The following LRRC4C variants were observed in gnomAD, a reference collection of about 807,000 sequenced individuals.
LRRC4C encodes the protein leucine-rich repeat-containing protein 4C.
A neutral mutation model predicts 33.6 loss-of-function variants in LRRC4C; 5 were observed. That is an observed-to-expected ratio of 0.15 (90% CI 0.08 to 0.31). The LOEUF is 0.31. LRRC4C is among the 10% of genes least tolerant of loss of function. LRRC4C has a pLI of 1.00. For missense variants in LRRC4C, 560 were observed against 796.7 expected (o/e 0.70, Z 3.58); for synonymous variants, 329 against 302.0 (o/e 1.09, Z -0.93).
chr11:40,819,468 C>T (rs1185041445), intron 2 of LRRC4C, among the ~76,000 whole-genome samples: 1 of 152,120 alleles, frequency 6.6e-6, no homozygotes, highest in East Asian at 1.9e-4. Flanking sequence ...GGACTGGCAC[C>T]TTTGTTGTAG....
chr11:41,243,306 G>A (rs116240397), intron 1 of LRRC4C, among the ~76,000 whole-genome samples: 2,896 of 152,180 alleles, frequency 0.019, 92 homozygotes, highest in African/African-American at 0.067. Context: ...CCATTATCTT[G>A]TTTAACTAAA....
At chr11:40,621,300 A>T (rs80042462) in intron 3 of LRRC4C, among the ~76,000 whole-genome samples, 1 of 151,372 alleles carries the variant, frequency 6.6e-6, no homozygotes, top group African/African-American at 2.4e-5. Flanking sequence ...CATAAAGTCT[A>T]CTTGTTTCTG....
intron 1 of LRRC4C, among the ~76,000 whole-genome samples, chr11:40,990,081 T>C (rs1853402117): frequency 3.3e-5 from 5 of 150,424 alleles, no homozygotes; most frequent in Admixed American, 3.3e-4. Context: ...GGTAAGAGGG[T>C]CTGGAACTAA....
At chr11:40,117,720 C>T (rs192632350) in intron 6 of LRRC4C, among the ~76,000 whole-genome samples, 12 of 151,716 alleles carry the variant, frequency 7.9e-5, no homozygotes, top group African/African-American at 2.9e-4. Context: ...GGAGGGGGGC[C>T]AGTGGGAGGG....
chr11:41,188,911 C>G (rs910781058), intron 1 of LRRC4C, among the ~76,000 whole-genome samples: 4 of 125,190 alleles, frequency 3.2e-5, no homozygotes, highest in Admixed American at 9.0e-5. Context: ...GCCCCCCCCC[C>G]CAAAAAAAAG....
chr11:40,138,604 A>C (rs576235054), intron 6 of LRRC4C, among the ~76,000 whole-genome samples: 1 of 152,348 alleles, frequency 6.6e-6, no homozygotes, highest in South Asian at 2.1e-4. Context: ...CCTGAACTTG[A>C]ACTGCCAGCT....
intron 5 of LRRC4C, among the ~76,000 whole-genome samples, chr11:40,216,026 G>A (rs762551593): frequency 2.0e-4 from 30 of 151,994 alleles, no homozygotes; most frequent in Non-Finnish European, 5.9e-5. Flanking sequence ...TATTTTTTGT[G>A]AATCAGTAGC....
At chr11:40,254,354 T>C (rs1026002727) in intron 4 of LRRC4C, among the ~76,000 whole-genome samples, 2 of 152,208 alleles carry the variant, frequency 1.3e-5, no homozygotes, top group African/African-American at 2.4e-5. Flanking sequence ...GAATAAAGCA[T>C]GGTGATGCCA....
In LRRC4C at chr11:40,972,911, G is replaced by T. The variant is rs565406012; in HGVS notation, c.-495-39188C>A. Among the ~76,000 whole-genome samples the T allele has an allele frequency of 5.3e-5, 8 of 152,286 alleles. No homozygotes were observed. In the East Asian group the frequency reaches 1.4e-3, roughly 26 times the overall value. ...AAATTGTAATCTTTCAGTGTTGGAG[G>T]AGGTGCCTGGTGGGAGGTAATTGAA... On this transcript the variant is annotated intron_variant, in intron 1 of 6. Coordinates refer to ENST00000528697, the MANE Select transcript of LRRC4C (RefSeq NM_001258419.2).
chr11:41,176,555 C>T (rs1945206681), intron 1 of LRRC4C, among the ~76,000 whole-genome samples: 1 of 151,980 alleles, frequency 6.6e-6, no homozygotes, highest in African/African-American at 2.4e-5. Context: ...AAATACTGGC[C>T]AAATCCCTGC....
chr11:40,358,585 A>G (rs1230951482), intron 3 of LRRC4C, among the ~76,000 whole-genome samples: 1 of 152,000 alleles, frequency 6.6e-6, no homozygotes. Flanking sequence ...CTGGTCCCCA[A>G]TCTCTTAATA....
intron 1 of LRRC4C, among the ~76,000 whole-genome samples, chr11:41,076,056 C>G (rs1166802414): frequency 6.6e-6 from 1 of 152,184 alleles, no homozygotes; most frequent in Non-Finnish European, 1.5e-5. Context: ...AAGACCTACT[C>G]TCTTTCCTCT....
intron 1 of LRRC4C, among the ~76,000 whole-genome samples, chr11:40,950,187 C>G (rs1049863704): frequency 6.6e-6 from 1 of 151,966 alleles, no homozygotes; most frequent in Non-Finnish European, 1.5e-5. Flanking sequence ...AGGAGGTAAC[C>G]CCTACATCCT....
chr11:40,492,741 G>A (rs1241508872), intron 3 of LRRC4C, among the ~76,000 whole-genome samples: 1 of 152,078 alleles, frequency 6.6e-6, no homozygotes, highest in Non-Finnish European at 1.5e-5. Context: ...ATATCTAAAA[G>A]TGAGACATCA....
At chr11:41,448,136 T>TTTTTTTTTTTTTTTTTTTTTTTTG (rs1411411501) in intron 1 of LRRC4C, among the ~76,000 whole-genome samples, 1 of 142,756 alleles carries the variant, frequency 7.0e-6, no homozygotes, top group Non-Finnish European at 1.5e-5. Context: ...TTTTTTTTTT[T>TTTTTTTTTTTTTTTTTTTTTTTTG]TTTTTTGGAG....
chr11:40,790,522 C>T (rs1420587663), intron 2 of LRRC4C, among the ~76,000 whole-genome samples: 1 of 152,164 alleles, frequency 6.6e-6, no homozygotes, highest in Non-Finnish European at 1.5e-5. Context: ...TAAATTCTCT[C>T]CAAGGTGAGC....
At chr11:40,751,299 A>T (rs568587362) in intron 2 of LRRC4C, among the ~76,000 whole-genome samples, 1 of 152,266 alleles carries the variant, frequency 6.6e-6, no homozygotes, top group South Asian at 2.1e-4. Context: ...AACAGAAAGC[A>T]TCCAAATTGG....
chr11:40,503,426 A>G (rs1954875308), intron 3 of LRRC4C, among the ~76,000 whole-genome samples: 1 of 152,216 alleles, frequency 6.6e-6, no homozygotes, highest in South Asian at 2.1e-4. Context: ...CTTTCTAGGT[A>G]TTGAGCTCCT....
chr11:40,693,879 C>T (rs1305058941), intron 2 of LRRC4C, among the ~76,000 whole-genome samples: 4 of 152,088 alleles, frequency 2.6e-5, no homozygotes, highest in Non-Finnish European at 4.4e-5. Context: ...TGCCAAAAGC[C>T]GCATTGTGTC....
Sources: gnomAD v4.1 joint callset for allele counts (sites outside exome capture counted in the v4.1 genomes callset) on GRCh38, gnomAD v4.1.1 for gene constraint, MANE v1.5 for transcripts, NCBI Gene and HGNC (gene_info 2026-07-23, HGNC 2026-07-21) for gene names.